Variants in CDC45 observed in about 807,000 individuals in gnomAD.
CDC45 encodes the protein cell division cycle 45.
In CDC45, 54 loss-of-function variants were observed where a neutral mutation model predicts 77.8. The observed-to-expected ratio is 0.69, with a 90% CI of 0.56 to 0.87. CDC45 has a LOEUF of 0.87. Among genes scored for constraint, CDC45 ranks in the 40% least tolerant of loss-of-function variants. The pLI is 0.00. For synonymous variants in CDC45, 260 were observed against 272.1 expected (o/e 0.96, Z 0.44); for missense variants, 649 against 721.6 (o/e 0.90, Z 1.15).
intron 5 of CDC45, among the ~76,000 whole-genome samples, chr22:19,493,901 G>A (rs1407809474): frequency 6.6e-6 from 1 of 152,218 alleles, no homozygotes; most frequent in East Asian, 1.9e-4. Context: ...GATTAAACGA[G>A]GTTGTGCCTG....
In CDC45 at chr22:19,497,366, A is replaced by T. The variant is rs574622002; in HGVS notation, c.592-20A>T. The T allele has an allele frequency of 2.5e-6, 4 of 1,613,252 alleles. No homozygotes were observed. Among genetic ancestry groups the T allele is most frequent in the Non-Finnish European group, 2.5e-6 (3 of 1,179,412 alleles). ...CACATGCCCCTCCCATGAGCCTTAGACTTCTCTGCTTCCTTACAGTCAGCC... is the reference window on the plus strand; with the variant it reads ...CACATGCCCCTCCCATGAGCCTTAGTCTTCTCTGCTTCCTTACAGTCAGCC... On this transcript the variant is annotated intron_variant, in intron 7 of 18. Coordinates refer to ENST00000263201, the MANE Select transcript of CDC45 (RefSeq NM_003504.5).
In CDC45 at chr22:19,479,945, G is replaced by T; in HGVS notation, c.-24G>T. 6.2e-7 allele frequency: 1 copy of T among 1,612,366 alleles called. No individual in the cohort carries two copies. The highest frequency in any genetic ancestry group is 8.5e-7 in the Non-Finnish European group (1 of 1,179,958). ...GGGCTCTTGGTACCTCAGCGCGAGCGCCAGGCGTCCGGCCGCCGTGGCTAT... is the reference window on the plus strand; with the variant it reads ...GGGCTCTTGGTACCTCAGCGCGAGCTCCAGGCGTCCGGCCGCCGTGGCTAT... On this transcript the variant is annotated 5_prime_UTR_variant, in exon 1 of 19. Coordinates refer to ENST00000263201, the MANE Select transcript of CDC45 (RefSeq NM_003504.5).
At chr22:19,515,761 A>G (rs1418863149) in intron 15 of CDC45, among the ~76,000 whole-genome samples, 1 of 152,082 alleles carries the variant, frequency 6.6e-6, no homozygotes, top group Admixed American at 6.5e-5. Flanking sequence ...GAGCCTCCTC[A>G]TTTGCCAGTT....
At chr22:19,495,293 A>C (rs1393612975) in intron 6 of CDC45, among the ~76,000 whole-genome samples, 4 of 152,216 alleles carry the variant, frequency 2.6e-5, no homozygotes, top group Admixed American at 6.5e-5. Context: ...CTTAATTGGC[A>C]GTTTCCCTTC....
chr22:19,518,794 T>C, intron 17 of CDC45, 50 bp from the exon 18 acceptor site: 1 of 1,483,956 alleles, frequency 6.7e-7, no homozygotes, highest in Non-Finnish European at 9.4e-7. Flanking sequence ...TGCCCTGTCT[T>C]GTGTTCCCAC....
intron 12 of CDC45, 109 bp from the exon 13 acceptor site, chr22:19,508,421 G>A (rs1273963850): frequency 8.8e-7 from 1 of 1,132,702 alleles, no homozygotes; most frequent in African/African-American, 1.5e-5. Flanking sequence ...GGCTGTGCTG[G>A]AAGCATTGAC....
At chr22:19,499,529 C>T (rs930544911) in intron 9 of CDC45, among the ~76,000 whole-genome samples, 1 of 152,084 alleles carries the variant, frequency 6.6e-6, no homozygotes, top group Non-Finnish European at 1.5e-5. Context: ...ATGAGAGCCC[C>T]TAGTGAGGAC....
chr22:19,487,065 G>T (rs565351920), intron 5 of CDC45, among the ~76,000 whole-genome samples: 1 of 152,006 alleles, frequency 6.6e-6, no homozygotes, highest in East Asian at 2.0e-4. Flanking sequence ...AGGCCAAGGC[G>T]GGTGAATCAC....
intron 17 of CDC45, among the ~76,000 whole-genome samples, chr22:19,518,174 G>A (rs570063749): frequency 6.6e-6 from 1 of 152,340 alleles, no homozygotes; most frequent in East Asian, 1.9e-4. Context: ...CAGTATACAG[G>A]GAGGACTCGG....
At chr22:19,516,506 G>A in intron 15 of CDC45, 21 bp from the exon 16 acceptor site, 1 of 1,597,290 alleles carries the variant, frequency 6.3e-7, no homozygotes, top group Non-Finnish European at 8.6e-7. Flanking sequence ...CCCTGACGGA[G>A]GGTGCTCTCC....
At chr22:19,495,906 T>A in intron 6 of CDC45, 75 bp from the exon 7 acceptor site, 1 of 930,230 alleles carries the variant, frequency 1.1e-6, no homozygotes, top group Non-Finnish European at 1.8e-6. Context: ...ACTGTCAAGT[T>A]TAGCATTTTT....
intron 5 of CDC45, among the ~76,000 whole-genome samples, chr22:19,490,044 A>G (rs568191249): frequency 6.6e-6 from 1 of 152,252 alleles, no homozygotes; most frequent in South Asian, 2.1e-4. Context: ...GTCTCTGGTA[A>G]TTTGCTTTGC....
intron 7 of CDC45, 55 bp from the exon 8 acceptor site, chr22:19,497,331 C>G: frequency 6.5e-7 from 1 of 1,545,706 alleles, no homozygotes; most frequent in Non-Finnish European, 8.9e-7. Context: ...GCTGCATGGC[C>G]CAGCCCCAGC....
At chr22:19,507,570 A>G in intron 11 of CDC45, 53 bp downstream of exon 11, 2 of 1,607,480 alleles carry the variant, frequency 1.2e-6, no homozygotes, top group Non-Finnish European at 8.5e-7. Context: ...CCCCAAGGGA[A>G]AAGCCCCTCT....
At chr22:19,501,471 T>C (rs1182254349) in intron 9 of CDC45, among the ~76,000 whole-genome samples, 2 of 152,226 alleles carry the variant, frequency 1.3e-5, no homozygotes, top group Non-Finnish European at 2.9e-5. Flanking sequence ...CTCTTCTGAT[T>C]TGCTGGCCTC....
At chr22:19,501,389 G>A (rs990495803) in intron 9 of CDC45, among the ~76,000 whole-genome samples, 1 of 152,152 alleles carries the variant, frequency 6.6e-6, no homozygotes, top group Non-Finnish European at 1.5e-5. Flanking sequence ...TGCATAAACT[G>A]CTCGCAGCAA....
intron 17 of CDC45, among the ~76,000 whole-genome samples, chr22:19,517,352 A>G (rs1034407144): frequency 3.2e-4 from 49 of 152,146 alleles, no homozygotes; most frequent in African/African-American, 1.1e-3. Context: ...TACCTGTGAG[A>G]TGGCTGGGAC....
intron 17 of CDC45, 70 bp from the exon 18 acceptor site, chr22:19,518,769 CGGAGG>C: frequency 8.5e-7 from 1 of 1,182,710 alleles, no homozygotes; most frequent in African/African-American, 1.5e-5. Flanking sequence ...GGGCAGGCAG[CGGAGG>C]GGAGTTCTGT....
intron 17 of CDC45, 130 bp from the exon 18 acceptor site, chr22:19,518,714 A>C (rs1371360696): frequency 1.4e-6 from 1 of 728,406 alleles, no homozygotes; most frequent in Admixed American, 2.0e-5. Context: ...CTGAGTGCAG[A>C]ATACCACAGG....
Sources: allele counts gnomAD v4.1 joint callset (sites outside exome capture counted in the v4.1 genomes callset), GRCh38; gene constraint gnomAD v4.1.1; transcripts MANE v1.5; gene names NCBI Gene and HGNC (gene_info 2026-07-23, HGNC 2026-07-21).